The following OCA2 variants were observed in gnomAD, a reference collection of about 807,000 sequenced individuals.
The protein encoded by OCA2 is OCA2 melanosomal transmembrane protein, also known as P protein.
Under a neutral mutation model 100.2 loss-of-function variants are expected in OCA2, and 77 were observed. The ratio of observed to expected loss-of-function variants is 0.77; its 90% CI spans 0.64 to 0.93. OCA2 has a LOEUF of 0.93. OCA2 is among the 40% of genes least tolerant of loss of function. OCA2 has a pLI of 0.00. For synonymous variants in OCA2, 432 were observed against 439.2 expected, an observed-to-expected ratio of 0.98 and a Z score of 0.21; for missense variants, 1,062 against 1,089.1, an observed-to-expected ratio of 0.98 and a Z score of 0.35.
intron 23 of OCA2, among the ~76,000 whole-genome samples, chr15:27,798,184 G>A (rs553627744): frequency 4.6e-5 from 7 of 152,296 alleles, no homozygotes; most frequent in East Asian, 1.9e-4. Flanking sequence ...GGGGTCAGAG[G>A]GGAGAGCTTG....
chr15:27,959,938 G>T (rs1196069127), intron 15 of OCA2, among the ~76,000 whole-genome samples: 1 of 152,196 alleles, frequency 6.6e-6, no homozygotes, highest in Non-Finnish European at 1.5e-5. Flanking sequence ...AGTCGGGAGG[G>T]ATTTTGCCCA....
rs7169513 is a variant in OCA2 at position 28,031,834 on chromosome 15, G to C, written c.326+231C>G. On this transcript the variant is annotated intron_variant, in intron 3 of 23. Coordinates refer to ENST00000354638, the MANE Select transcript of OCA2 (RefSeq NM_000275.3). ...CCATCAGAGCTTTGTGCATGCATGA[G>C]TGTGCGTGTGTGCTGTGCAGTTGCT... Among the ~76,000 whole-genome samples, 14,979 of 152,144 alleles carry C rather than the reference G, an allele frequency of 0.098. 2,343 individuals carry two copies. Among genetic ancestry groups the C allele is most frequent in the African/African-American group, 0.33 (13,748 of 41,412 alleles).
At chr15:27,724,790 A>T in the OCA2 span, among the ~76,000 whole-genome samples, 1 of 151,016 alleles carries the variant, frequency 6.6e-6, no homozygotes, top group Admixed American at 6.6e-5. Context: ...CCTCCCAAGA[A>T]AAAGCACAAT....
intron 14 of OCA2, among the ~76,000 whole-genome samples, chr15:27,980,448 A>T (rs1411006717): frequency 6.6e-6 from 1 of 152,110 alleles, no homozygotes; most frequent in Non-Finnish European, 1.5e-5. Flanking sequence ...AAATTATGTG[A>T]ATTTCCCCAT....
At chr15:28,091,620 A>G (rs1283515142) in intron 1 of OCA2, among the ~76,000 whole-genome samples, 1 of 152,230 alleles carries the variant, frequency 6.6e-6, no homozygotes, top group Non-Finnish European at 1.5e-5. Context: ...AAAAATGTGT[A>G]CAATAACATT....
chr15:28,092,605 A>G (rs1450894377), intron 1 of OCA2, among the ~76,000 whole-genome samples: 2 of 152,226 alleles, frequency 1.3e-5, no homozygotes, highest in Non-Finnish European at 2.9e-5. Flanking sequence ...CTCTCACCTT[A>G]GCCTCCCAAA....
downstream of OCA2, among the ~76,000 whole-genome samples, chr15:27,754,046 G>A (rs989782451): frequency 1.4e-4 from 21 of 152,104 alleles, no homozygotes; most frequent in South Asian, 2.1e-4. Flanking sequence ...GCACGGGAGT[G>A]GCCAGAAGAA....
chr15:28,070,215 C>G (rs1373774462), intron 2 of OCA2, among the ~76,000 whole-genome samples: 986 of 115,024 alleles, frequency 8.6e-3, no homozygotes, highest in East Asian at 0.012. Flanking sequence ...GCAGCTGCCC[C>G]GTCTGAGAAG....
intron 23 of OCA2, among the ~76,000 whole-genome samples, chr15:27,809,939 C>G (rs761082510): frequency 1.3e-5 from 2 of 152,206 alleles, no homozygotes; most frequent in Admixed American, 6.5e-5. Context: ...AATGACCACA[C>G]TGCCTACAGC....
At chr15:28,014,982 C>A (rs17652037) in intron 8 of OCA2, 53 bp from the exon 9 acceptor site, 80,939 of 1,584,660 alleles carry the variant, frequency 0.051, 2,882 homozygotes, top group South Asian at 0.13. Flanking sequence ...GTTAGGGGAC[C>A]TCCCTCTGTA....
chr15:27,913,573 G>A (rs1309739581), intron 19 of OCA2, among the ~76,000 whole-genome samples: 1 of 151,828 alleles, frequency 6.6e-6, no homozygotes. Context: ...ACTGAAGAGA[G>A]GTTCCCCTTA....
intron 14 of OCA2, 67 bp downstream of exon 14, chr15:27,983,278 G>T (rs777185027): frequency 2.8e-5 from 44 of 1,591,400 alleles, no homozygotes; most frequent in South Asian, 6.6e-5. Context: ...GCGTCCATGT[G>T]GGGTAGAGCT....
At chr15:27,729,875 A>G in the OCA2 span, among the ~76,000 whole-genome samples, 51 of 152,346 alleles carry the variant, frequency 3.3e-4, no homozygotes, top group Non-Finnish European at 6.0e-4. Context: ...AATAGATGAC[A>G]TTGGGGTTCT....
intron 23 of OCA2, among the ~76,000 whole-genome samples, chr15:27,826,351 CCACACA>C (rs10535869): frequency 4.0e-5 from 6 of 149,744 alleles, no homozygotes; most frequent in African/African-American, 1.5e-4. Flanking sequence ...AAGGAACTTC[CCACACA>C]CACACACACA....
chr15:27,993,940 T>C (rs752180427), intron 9 of OCA2, among the ~76,000 whole-genome samples: 6 of 152,194 alleles, frequency 3.9e-5, no homozygotes, highest in African/African-American at 1.4e-4. Context: ...ATGAGTTCAT[T>C]ACTTCAGATA....
At chr15:27,845,198 AACAC>A (rs962762021) in intron 22 of OCA2, 146 bp from the exon 23 acceptor site, 4 of 711,962 alleles carry the variant, frequency 5.6e-6, no homozygotes, top group Non-Finnish European at 1.0e-5. Context: ...AATATCTGGA[AACAC>A]ACACACACGC....
chr15:27,769,897 AGCGCCTCG>A (rs2031582463), intron 23 of OCA2, among the ~76,000 whole-genome samples: 1 of 114,666 alleles, frequency 8.7e-6, no homozygotes, highest in African/African-American at 4.6e-5. Flanking sequence ...GCCTGTGTGC[AGCGCCTCG>A]GCCTGTGCGC....
At chr15:27,813,055 A>C (rs1372821845) in intron 23 of OCA2, among the ~76,000 whole-genome samples, 1 of 152,178 alleles carries the variant, frequency 6.6e-6, no homozygotes, top group East Asian at 1.9e-4. Context: ...AGAGCAGCAC[A>C]GGTGTCAAGG....
chr15:27,861,958 C>T (rs1595532874), intron 21 of OCA2, among the ~76,000 whole-genome samples: 1 of 152,226 alleles, frequency 6.6e-6, no homozygotes, highest in South Asian at 2.1e-4. Flanking sequence ...TCCCCCCACA[C>T]ACCCGGAATG....
Sources: gnomAD v4.1 joint callset for allele counts (sites outside exome capture counted in the v4.1 genomes callset) on GRCh38, gnomAD v4.1.1 for gene constraint, MANE v1.5 for transcripts, NCBI Gene and HGNC (gene_info 2026-07-23, HGNC 2026-07-21) for gene names.